CPT1A: variants seen among roughly 807,000 people sequenced by gnomAD.
CPT1A encodes carnitine O-palmitoyltransferase 1, liver isoform.
In CPT1A, 64 loss-of-function variants were observed where a neutral mutation model predicts 100.8. The ratio of observed to expected loss-of-function variants is 0.63; its 90% CI spans 0.52 to 0.78. The LOEUF is 0.78. CPT1A is among the 30% of genes least tolerant of loss of function. CPT1A has a pLI of 0.00. For missense variants in CPT1A, 802 were observed against 1,034.1 expected, an observed-to-expected ratio of 0.78 and a Z score of 3.08; for synonymous variants, 363 against 396.0, an observed-to-expected ratio of 0.92 and a Z score of 0.99.
chr11:68,779,334 T>A (rs1391325824), intron 12 of CPT1A, among the ~76,000 whole-genome samples: 1 of 152,028 alleles, frequency 6.6e-6, no homozygotes, highest in Non-Finnish European at 1.5e-5. Flanking sequence ...TCACAACAAG[T>A]GACCACAGTA....
chr11:68,831,199 A>T (rs1437046584), intron 1 of CPT1A, among the ~76,000 whole-genome samples: 1 of 152,158 alleles, frequency 6.6e-6, no homozygotes, highest in Non-Finnish European at 1.5e-5. Flanking sequence ...TTGGCCTATG[A>T]ATCCTAACAC....
chr11:68,838,760 T>C (rs1394741391), intron 1 of CPT1A, among the ~76,000 whole-genome samples: 3 of 151,984 alleles, frequency 2.0e-5, no homozygotes, highest in East Asian at 3.9e-4. Context: ...GAGACAGGGG[T>C]CTGGCTCTGT....
intron 1 of CPT1A, among the ~76,000 whole-genome samples, chr11:68,837,432 T>G (rs1594382671): frequency 1.3e-5 from 2 of 152,262 alleles, no homozygotes; most frequent in Admixed American, 1.3e-4. Context: ...CAGGACCCCC[T>G]GAGTGAGCCA....
intron 14 of CPT1A, among the ~76,000 whole-genome samples, chr11:68,766,063 G>A (rs766925793): frequency 2.0e-5 from 3 of 151,956 alleles, no homozygotes; most frequent in Non-Finnish European, 2.9e-5. Context: ...GTAGAGACGC[G>A]TTTCCCCATG....
intron 1 of CPT1A, among the ~76,000 whole-genome samples, chr11:68,821,354 C>T (rs1227544365): frequency 2.0e-5 from 3 of 152,178 alleles, no homozygotes; most frequent in African/African-American, 7.2e-5. Context: ...GGTTTCAGTA[C>T]GTTGGCCAGG....
At chr11:68,799,171 T>C in intron 6 of CPT1A, 47 bp downstream of exon 6, 1 of 1,440,982 alleles carries the variant, frequency 6.9e-7, no homozygotes, top group Non-Finnish European at 9.4e-7. Flanking sequence ...AATTAGCGTC[T>C]TCATACGGAA....
intron 9 of CPT1A, among the ~76,000 whole-genome samples, chr11:68,791,590 G>A (rs1487659310): frequency 6.6e-6 from 1 of 152,144 alleles, no homozygotes; most frequent in African/African-American, 2.4e-5. Context: ...GGGCTGGAGT[G>A]CAGTGGCACA....
intron 9 of CPT1A, 45 bp downstream of exon 9, chr11:68,793,270 G>T: frequency 6.9e-7 from 1 of 1,444,246 alleles, no homozygotes; most frequent in Non-Finnish European, 9.6e-7. Flanking sequence ...GCATAGGGAT[G>T]GAAAGTGCCG....
upstream of CPT1A, chr11:68,841,997 C>A (rs1222184603): frequency 5.1e-6 from 5 of 982,256 alleles, no homozygotes; most frequent in Non-Finnish European, 4.8e-6. The surrounding 1 kb of genome is among the most constrained non-coding windows in gnomAD (Gnocchi z 6.3). Context: ...CTCGGCGGGG[C>A]GGGGCGTCCG....
chr11:68,800,995 A>G (rs1032422784), intron 5 of CPT1A, among the ~76,000 whole-genome samples: 1 of 150,608 alleles, frequency 6.6e-6, no homozygotes, highest in African/African-American at 2.4e-5. Flanking sequence ...TGTGGCCCCA[A>G]CTACTTGGGA....
chr11:68,811,469 T>C (rs137898049), intron 3 of CPT1A, among the ~76,000 whole-genome samples: 2 of 152,274 alleles, frequency 1.3e-5, no homozygotes, highest in Non-Finnish European at 2.9e-5. Flanking sequence ...TTGCCCTGCG[T>C]TCCACTGTCT....
At chr11:68,829,302 T>G (rs1856821564) in intron 1 of CPT1A, among the ~76,000 whole-genome samples, 1 of 152,166 alleles carries the variant, frequency 6.6e-6, no homozygotes, top group Admixed American at 6.6e-5. Flanking sequence ...CAACGGCTCT[T>G]TAATCCACGT....
At chr11:68,813,890 C>G (rs1420836904) in intron 2 of CPT1A, among the ~76,000 whole-genome samples, 1 of 152,070 alleles carries the variant, frequency 6.6e-6, no homozygotes, top group African/African-American at 2.4e-5. Context: ...TATCTGGGCC[C>G]AAGAACCCAC....
rs1306340710 is a variant in CPT1A at position 68,815,419 on chromosome 11, A to G, written c.56T>C (p.Ile19Thr). ...AFQFTVTPDG[I>T]DLRLSHEALR... Reference sequence around the variant, plus strand: ...AGCTTCATGGCTCAGCCGCAGGTCAATCCCGTCCGGAGTGACCGTGAACTG... The same window carrying G: ...AGCTTCATGGCTCAGCCGCAGGTCAGTCCCGTCCGGAGTGACCGTGAACTG... Residue 19 changes from isoleucine (I) to threonine (T), a missense_variant, in exon 2 of 19, where the codon ATT becomes ACT. Ile to Thr is a moderately conservative substitution (Grantham distance 89). This residue lies in a region of CPT1A where 11 missense variants were observed against 31.4 expected (regional missense o/e 0.35). Coordinates refer to ENST00000265641, the MANE Select transcript of CPT1A (RefSeq NM_001876.4). 3.7e-6 allele frequency: 6 copies of G among 1,614,022 alleles called. No homozygotes were observed. In the East Asian group the frequency reaches 1.1e-4, roughly 30 times the overall value.
intron 13 of CPT1A, among the ~76,000 whole-genome samples, chr11:68,774,599 T>C (rs1855091153): frequency 6.6e-6 from 1 of 151,020 alleles, no homozygotes; most frequent in Admixed American, 6.6e-5. Context: ...CTTACCACTA[T>C]GCCCGGCTAA....
chr11:68,805,134 G>C (rs1053645765), intron 4 of CPT1A, among the ~76,000 whole-genome samples: 3 of 152,170 alleles, frequency 2.0e-5, no homozygotes, highest in Admixed American at 2.0e-4. Flanking sequence ...ATATCCAAAT[G>C]GTAGAAAATT....
intron 9 of CPT1A, chr11:68,785,791 A>T: frequency 1.8e-6 from 1 of 547,026 alleles, no homozygotes. Flanking sequence ...CAACTTAGAA[A>T]ATATGCTGAG....
rs181897878 is a variant in CPT1A at position 68,763,462 on chromosome 11, C to T, written c.1741-701G>A. Among the ~76,000 whole-genome samples, 56 of 152,120 alleles carry T rather than the reference C, an allele frequency of 3.7e-4. 1 individual carries two copies. The highest frequency in any genetic ancestry group is 5.9e-4 in the Admixed American group (9 of 15,292). On this transcript the variant is annotated intron_variant, in intron 14 of 18. Coordinates refer to ENST00000265641, the MANE Select transcript of CPT1A (RefSeq NM_001876.4). ...CGTATTGCCTGGAGCAATTCCACTG[C>T]GTCTGGAAGATGGTGAGAATGATCT...
intron 3 of CPT1A, among the ~76,000 whole-genome samples, chr11:68,808,457 C>T (rs948911656): frequency 4.6e-5 from 7 of 151,488 alleles, no homozygotes; most frequent in South Asian, 4.2e-4. Context: ...CTGCAACCTC[C>T]GCCTCCCAGG....
Sources: allele counts gnomAD v4.1 joint callset (sites outside exome capture counted in the v4.1 genomes callset), GRCh38; gene constraint gnomAD v4.1.1; regional missense constraint gnomAD v4.1.1; non-coding constraint Gnocchi (gnomAD v3.1); transcripts MANE v1.5; gene names NCBI Gene and HGNC (gene_info 2026-07-23, HGNC 2026-07-21).